RBFOX1: variants seen among roughly 807,000 people sequenced by gnomAD.
The protein encoded by RBFOX1 is RNA binding fox-1 homolog 1.
Under a neutral mutation model 57.7 loss-of-function variants are expected in RBFOX1, and 8 were observed. The ratio of observed to expected loss-of-function variants is 0.14; its 90% confidence interval spans 0.08 to 0.25. The LOEUF (loss-of-function observed/expected upper bound fraction) is 0.25. Among genes scored for constraint, RBFOX1 ranks in the 10% least tolerant of loss-of-function variants. RBFOX1 has a pLI of 1.00. For synonymous variants in RBFOX1, 326 were observed against 222.4 expected (o/e 1.47, Z -4.15); for missense variants, 611 against 548.5 (o/e 1.11, Z -1.14).
chr16:5,954,587 G>T (rs1182085933), intron 4 of RBFOX1, among the ~76,000 whole-genome samples: 3 of 152,098 alleles, frequency 2.0e-5, no homozygotes, highest in Admixed American at 2.0e-4. Flanking sequence ...GGCCAGAAAG[G>T]GCATTGTTTT....
At chr16:6,557,715 G>T (rs1193980866) in intron 2 of RBFOX1, among the ~76,000 whole-genome samples, 1 of 152,156 alleles carries the variant, frequency 6.6e-6, no homozygotes, top group African/African-American at 2.4e-5. Context: ...CCCAGAAGTT[G>T]CATAAGCATT....
At chr16:7,046,344 G>C (rs947100441) in intron 3 of RBFOX1, among the ~76,000 whole-genome samples, 1 of 151,704 alleles carries the variant, frequency 6.6e-6, no homozygotes, top group Admixed American at 6.6e-5. Context: ...GTGTTATAGG[G>C]ATTATCACAC....
Position 6,723,085 on chromosome 16 carries a change from G to A in RBFOX1, c.-16+68435G>A, listed in dbSNP as rs1283213140. ...AGGGGATGGGCAATGTCCCATGAGT[G>A]GTGATGTGGACACCAGAGTTTTCAC... On this transcript the variant is annotated intron_variant, in intron 3 of 15. Coordinates refer to ENST00000550418, the MANE Select transcript of RBFOX1 (RefSeq NM_018723.4). 3.9e-5 allele frequency among the ~76,000 whole-genome samples: 6 copies of A among 152,328 alleles called. No homozygotes were observed. The East Asian group carries it at 1.2e-3, about 29-fold the overall frequency.
At chr16:6,415,820 C>G (rs1286266482) in intron 2 of RBFOX1, among the ~76,000 whole-genome samples, 1 of 152,224 alleles carries the variant, frequency 6.6e-6, no homozygotes, top group Admixed American at 6.5e-5. Flanking sequence ...AATGACTGTT[C>G]TGACAGCTAA....
In RBFOX1 at chr16:5,240,549, G is replaced by C. The variant is rs564826108; in HGVS notation, c.219+444G>C. Among the ~76,000 whole-genome samples, 108 of 152,300 alleles carry C rather than the reference G, an allele frequency of 7.1e-4. 1 individual carries two copies. Among genetic ancestry groups the C allele is most frequent in the African/African-American group, 2.3e-3 (97 of 41,568 alleles). On this transcript the variant is annotated intron_variant, in intron 1 of 2. Coordinates refer to the RBFOX1 transcript ENST00000585867. Reference sequence around the variant, plus strand: ...TGGCCAAGCCCTGCTCTGCTGGGCTGCGGGCTGGCGGCGCTCACCCAGCTC... The same window carrying C: ...TGGCCAAGCCCTGCTCTGCTGGGCTCCGGGCTGGCGGCGCTCACCCAGCTC...
At chr16:6,650,556 G>T (rs2098579366) in intron 2 of RBFOX1, among the ~76,000 whole-genome samples, 1 of 152,202 alleles carries the variant, frequency 6.6e-6, no homozygotes, top group South Asian at 2.1e-4. Context: ...TGGTAATTTA[G>T]AGACAGTACG....
At chr16:5,984,773 A>G (rs2060247736) in intron 4 of RBFOX1, among the ~76,000 whole-genome samples, 1 of 151,844 alleles carries the variant, frequency 6.6e-6, no homozygotes. Flanking sequence ...CCTAGGCGGT[A>G]TGTTCTGGCC....
chr16:7,004,269 C>T (rs140330974), intron 3 of RBFOX1, among the ~76,000 whole-genome samples: 10 of 152,218 alleles, frequency 6.6e-5, no homozygotes, highest in African/African-American at 2.2e-4. Context: ...AAGAACAACG[C>T]ATTATATATT....
chr16:5,598,060 G>C (rs2047244992), intron 2 of RBFOX1, among the ~76,000 whole-genome samples: 1 of 152,186 alleles, frequency 6.6e-6, no homozygotes, highest in South Asian at 2.1e-4. Flanking sequence ...ACTTTGGGAG[G>C]CCGAGGCAGG....
chr16:7,365,679 A>T (rs1259397414), intron 4 of RBFOX1, among the ~76,000 whole-genome samples: 1 of 152,216 alleles, frequency 6.6e-6, no homozygotes, highest in African/African-American at 2.4e-5. Flanking sequence ...CAGTAAAGGT[A>T]CTTTACTTCC....
intron 3 of RBFOX1, among the ~76,000 whole-genome samples, chr16:6,748,458 C>T (rs570253598): frequency 6.6e-6 from 1 of 152,082 alleles, no homozygotes; most frequent in Middle Eastern, 3.2e-3. Flanking sequence ...CCCAGGAGTT[C>T]AAGACCAGCC....
At chr16:7,003,742 A>G (rs1223879884) in intron 3 of RBFOX1, among the ~76,000 whole-genome samples, 2 of 150,140 alleles carry the variant, frequency 1.3e-5, no homozygotes, top group Non-Finnish European at 2.9e-5. Flanking sequence ...ATGTATTAGA[A>G]AAAAACATGA....
intron 3 of RBFOX1, among the ~76,000 whole-genome samples, chr16:6,909,721 C>G (rs185428816): frequency 2.6e-5 from 4 of 152,272 alleles, no homozygotes; most frequent in African/African-American, 9.6e-5. Flanking sequence ...TCGTGGCAGT[C>G]ACAATGACTG....
chr16:7,136,725 G>A (rs1195795781), intron 4 of RBFOX1, among the ~76,000 whole-genome samples: 2 of 152,080 alleles, frequency 1.3e-5, no homozygotes, highest in Non-Finnish European at 2.9e-5. Flanking sequence ...CCCCATCTAG[G>A]GAAAATTATC....
chr16:6,668,142 A>G (rs899009658), intron 3 of RBFOX1, among the ~76,000 whole-genome samples: 2 of 152,214 alleles, frequency 1.3e-5, no homozygotes, highest in African/African-American at 4.8e-5. Flanking sequence ...GAAAGAGTAT[A>G]GAGTTGAGAG....
intron 3 of RBFOX1, among the ~76,000 whole-genome samples, chr16:6,850,287 C>G (rs1402550442): frequency 6.6e-6 from 1 of 152,136 alleles, no homozygotes; most frequent in Non-Finnish European, 1.5e-5. Context: ...TAATTGCATA[C>G]TTACAAATAT....
chr16:5,491,245 C>A (rs1197470219), intron 2 of RBFOX1, among the ~76,000 whole-genome samples: 1 of 152,164 alleles, frequency 6.6e-6, no homozygotes, highest in Non-Finnish European at 1.5e-5. Context: ...AGGACGCCAG[C>A]ACCCACTTGA....
At chr16:6,684,387 G>C (rs537431421) in intron 3 of RBFOX1, among the ~76,000 whole-genome samples, 13 of 152,336 alleles carry the variant, frequency 8.5e-5, no homozygotes, top group African/African-American at 2.4e-4. Context: ...ATTGAGGGCA[G>C]ATGTTTTCAT....
At chr16:6,560,974 C>T (rs1026588711) in intron 2 of RBFOX1, among the ~76,000 whole-genome samples, 6 of 152,210 alleles carry the variant, frequency 3.9e-5, no homozygotes, top group African/African-American at 1.4e-4. Flanking sequence ...AGTCAATGTG[C>T]AAATTTCAAC....
Sources: allele counts gnomAD v4.1 joint callset (sites outside exome capture counted in the v4.1 genomes callset), GRCh38; gene constraint gnomAD v4.1.1; transcripts MANE v1.5; gene names NCBI Gene and HGNC (gene_info 2026-07-23, HGNC 2026-07-21).